KCNN2: variants seen among roughly 807,000 people sequenced by gnomAD.
KCNN2 encodes the protein potassium calcium-activated channel subfamily N member 2, also known as small conductance calcium-activated potassium channel protein 2.
KCNN2 carries 24 observed loss-of-function variants against 55.5 expected under a neutral mutation model. The observed-to-expected ratio is 0.43, with a 90% CI of 0.31 to 0.61. KCNN2 has a LOEUF of 0.61. Among genes scored for constraint, KCNN2 ranks in the 20% least tolerant of loss-of-function variants. KCNN2 has a pLI of 0.08. For missense variants in KCNN2, 754 were observed against 853.6 expected, an observed-to-expected ratio of 0.88 and a Z score of 1.45; for synonymous variants, 431 against 336.1, an observed-to-expected ratio of 1.28 and a Z score of -3.09.
chr5:114,261,712 T>C (rs1356016711), intron 2 of KCNN2, among the ~76,000 whole-genome samples: 1 of 152,206 alleles, frequency 6.6e-6, no homozygotes, highest in African/African-American at 2.4e-5. Context: ...AAAGGCTGTC[T>C]ACATTTATGA....
At chr5:114,277,593 C>T (rs1355593829) in intron 2 of KCNN2, among the ~76,000 whole-genome samples, 2 of 152,152 alleles carry the variant, frequency 1.3e-5, no homozygotes, top group Non-Finnish European at 2.9e-5. Context: ...ATTTGATTTT[C>T]AATCACTGAT....
chr5:114,294,669 A>G (rs1353188504), intron 2 of KCNN2, among the ~76,000 whole-genome samples: 1 of 152,026 alleles, frequency 6.6e-6, no homozygotes, highest in East Asian at 1.9e-4. Context: ...TGTATATTCT[A>G]TTGATTTGGG....
intron 1 of KCNN2, among the ~76,000 whole-genome samples, chr5:114,100,509 C>A (rs1487216): frequency 0.33 from 49,713 of 151,864 alleles, 8,450 homozygotes; most frequent in African/African-American, 0.39. Context: ...CAGAAACAAA[C>A]TACGAATGAA....
intron 1 of KCNN2, among the ~76,000 whole-genome samples, chr5:114,076,406 T>C (rs1235577554): frequency 6.6e-6 from 1 of 152,080 alleles, no homozygotes; most frequent in Non-Finnish European, 1.5e-5. Context: ...GTGGAGTGAG[T>C]AGAAAGAGGA....
chr5:114,347,263 A>G (rs1047592297), intron 2 of KCNN2, among the ~76,000 whole-genome samples: 1 of 152,212 alleles, frequency 6.6e-6, no homozygotes, highest in African/African-American at 2.4e-5. Context: ...AAAGAATCTT[A>G]TAAGATACTT....
At chr5:114,246,608 C>T (rs535971086) in intron 2 of KCNN2, among the ~76,000 whole-genome samples, 2 of 152,172 alleles carry the variant, frequency 1.3e-5, no homozygotes, top group South Asian at 4.1e-4. Context: ...ACTTTTAGAG[C>T]TACTGTACCT....
chr5:114,306,739 C>T (rs1288999707), intron 2 of KCNN2, among the ~76,000 whole-genome samples: 1 of 137,404 alleles, frequency 7.3e-6, no homozygotes, highest in Non-Finnish European at 1.5e-5. Flanking sequence ...CTCGCTCTGT[C>T]ACCCAGGCTG....
chr5:114,087,344 C>A (rs532458347), intron 1 of KCNN2, among the ~76,000 whole-genome samples: 1 of 151,808 alleles, frequency 6.6e-6, no homozygotes, highest in African/African-American at 2.4e-5. Flanking sequence ...ATTATGAATT[C>A]TTTCCCAAGG....
At chr5:114,110,992 T>C (rs1374019269) in intron 1 of KCNN2, among the ~76,000 whole-genome samples, 1 of 152,122 alleles carries the variant, frequency 6.6e-6, no homozygotes, top group African/African-American at 2.4e-5. Context: ...AAAGTTCATA[T>C]GGAACCAAAA....
At position 114,475,417 on chromosome 5, in the gene KCNN2, A is replaced by C. The variant is rs528017691; in HGVS notation, c.1890+2253A>C. Among the ~76,000 whole-genome samples, 8 of 152,232 alleles carry C rather than the reference A, an allele frequency of 5.3e-5. No homozygotes were observed. In the Middle Eastern group the frequency reaches 0.01, roughly 194 times the overall value. Reference sequence around the variant, plus strand: ...TCCCTCAAGAGACAAAATCACCTGCAGGAGAGAACCACCTTTTAATGTGCT... The same window carrying C: ...TCCCTCAAGAGACAAAATCACCTGCCGGAGAGAACCACCTTTTAATGTGCT... On this transcript the variant is annotated intron_variant, in intron 5 of 7. Coordinates refer to ENST00000673685, the MANE Select transcript of KCNN2 (RefSeq NM_021614.4).
chr5:114,381,462 T>A (rs1258882412), intron 2 of KCNN2, among the ~76,000 whole-genome samples: 1 of 152,160 alleles, frequency 6.6e-6, no homozygotes, highest in African/African-American at 2.4e-5. Flanking sequence ...CAGTGGTAAT[T>A]TTAGGAGAGC....
At chr5:114,463,621 A>G (rs1033282530) in intron 4 of KCNN2, among the ~76,000 whole-genome samples, 1 of 152,212 alleles carries the variant, frequency 6.6e-6, no homozygotes, top group African/African-American at 2.4e-5. Context: ...TTCTTTTAAC[A>G]AATGTTTGTT....
intron 1 of KCNN2, among the ~76,000 whole-genome samples, chr5:114,080,756 C>A (rs1270023082): frequency 6.6e-6 from 1 of 152,006 alleles, no homozygotes; most frequent in Non-Finnish European, 1.5e-5. Flanking sequence ...AAAAGCTTTT[C>A]CCTTATGATC....
intron 2 of KCNN2, among the ~76,000 whole-genome samples, chr5:114,277,193 T>C (rs2125145): frequency 0.9 from 136,481 of 152,220 alleles, 61,594 homozygotes; most frequent in East Asian, 0.94. Flanking sequence ...GTAGGGTTTC[T>C]GCAGAGAGAT....
chr5:114,295,146 G>T (rs1269665212), intron 2 of KCNN2, among the ~76,000 whole-genome samples: 1 of 152,164 alleles, frequency 6.6e-6, no homozygotes, highest in African/African-American at 2.4e-5. Flanking sequence ...GCTGCTCAGG[G>T]CTCAGAGACC....
At chr5:114,233,648 A>G (rs1013357935) in intron 2 of KCNN2, among the ~76,000 whole-genome samples, 2 of 152,148 alleles carry the variant, frequency 1.3e-5, no homozygotes, top group Non-Finnish European at 2.9e-5. Flanking sequence ...CTTATAGTGA[A>G]AAAAAATCAG....
At chr5:114,208,378 A>G (rs1043759547) in intron 1 of KCNN2, among the ~76,000 whole-genome samples, 3 of 152,178 alleles carry the variant, frequency 2.0e-5, no homozygotes, top group South Asian at 4.1e-4. Flanking sequence ...AGAGGCCACT[A>G]TGTGGGGTGA....
intron 1 of KCNN2, among the ~76,000 whole-genome samples, chr5:114,079,853 G>A (rs1434247152): frequency 6.7e-6 from 1 of 148,742 alleles, no homozygotes. Flanking sequence ...GTGAGAGAGA[G>A]AGAGAGAGAG....
intron 2 of KCNN2, among the ~76,000 whole-genome samples, chr5:114,372,142 C>G (rs1451670377): frequency 6.6e-6 from 1 of 152,140 alleles, no homozygotes; most frequent in East Asian, 1.9e-4. Flanking sequence ...TGGCAAGACT[C>G]CAGCGTTTAA....
Sources: gnomAD v4.1 joint callset for allele counts (sites outside exome capture counted in the v4.1 genomes callset) on GRCh38, gnomAD v4.1.1 for gene constraint, MANE v1.5 for transcripts, NCBI Gene and HGNC (gene_info 2026-07-23, HGNC 2026-07-21) for gene names.